Variants in SPTBN2 observed in about 807,000 individuals in gnomAD.
SPTBN2 encodes the protein spectrin beta chain, non-erythrocytic 2.
In SPTBN2, 107 loss-of-function variants were observed where a neutral mutation model predicts 284.2. That is an observed-to-expected ratio of 0.38 (90% confidence interval 0.32 to 0.44). The LOEUF (loss-of-function observed/expected upper bound fraction) is 0.44. Ranked by LOEUF, SPTBN2 falls within the 20% of genes least tolerant of loss-of-function variation. The pLI is 1.00. For synonymous variants in SPTBN2, 1,289 were observed against 1,354.8 expected, an observed-to-expected ratio of 0.95 and a Z score of 1.07; for missense variants, 2,569 against 3,287.1, an observed-to-expected ratio of 0.78 and a Z score of 5.34.
chr11:66,688,253 T>C lies in SPTBN2; in HGVS notation c.6290A>G (p.Gln2097Arg), dbSNP rs530064784. 5 of 1,613,194 alleles carry C rather than the reference T, an allele frequency of 3.1e-6. No individual in the cohort carries two copies. In the African/African-American group the frequency reaches 6.7e-5, roughly 21 times the overall value. ...RKREEEERRK[Q>R]PPAPEPTASV... The stretch of plus-strand genomic sequence containing the variant: ...GGCTGTGGGTTCGGGAGCAGGCGGC[T>C]GTTTCCGCCGCTCCTCCTCCTCCCT... The change falls in exon 32 of 38, where the codon CAG becomes CGG. Residue 2097 changes from glutamine (Q) to arginine (R), a missense_variant. Transcript: ENST00000533211.
chr11:66,688,600 C>T, intron 31 of SPTBN2, 53 bp downstream of exon 31: 1 of 1,607,882 alleles, frequency 6.2e-7, no homozygotes, highest in Non-Finnish European at 8.5e-7. Flanking sequence ...CAGAAGCCAG[C>T]ACAGGTCAGG....
chr11:66,743,560 T>C (rs1942918689), intron 1 of SPTBN2, among the ~76,000 whole-genome samples: 3 of 152,298 alleles, frequency 2.0e-5, no homozygotes, highest in Non-Finnish European at 2.9e-5. Context: ...CACCAGCAGT[T>C]ATAGGCTTAA....
In SPTBN2 at chr11:66,701,733, G is replaced by T; in HGVS notation, c.2679-12C>A. The T allele has an allele frequency of 6.2e-7, 1 of 1,614,060 alleles. No homozygotes were observed. Among genetic ancestry groups the T allele is most frequent in the Non-Finnish European group, 8.5e-7 (1 of 1,180,008 alleles). ...CCAGGGTCTCGAACCTGAGAGGGTGGAAGAGCCAGGCGTGAATTGTGGGAG... is the reference window on the plus strand; with the variant it reads ...CCAGGGTCTCGAACCTGAGAGGGTGTAAGAGCCAGGCGTGAATTGTGGGAG... On this transcript the variant is annotated splice_polypyrimidine_tract_variant and intron_variant, in intron 15 of 37. Transcript: ENST00000533211.
At position 66,728,873 on chromosome 11, in the gene SPTBN2, C is replaced by T. The variant is rs1242107458; in HGVS notation, c.-246G>A. On this transcript the variant is annotated 5_prime_UTR_variant, in exon 1 of 38. Transcript: ENST00000533211. ...CTTTCCTCTCCGGGCACCTCCAGTC[C>T]GTCTCCGCTAAGCATTCCTCTCACC... 6.6e-6 allele frequency: 1 copy of T among 152,216 alleles called. No homozygotes were observed. Among genetic ancestry groups the T allele is most frequent in the Non-Finnish European group, 1.5e-5 (1 of 68,076 alleles). 9.4% of individuals were successfully genotyped at this position (152,216 alleles called of 1,614,324 possible).
In SPTBN2 at chr11:66,684,570, G is replaced by A. The variant is rs559835509; in HGVS notation, c.*1301C>T. On this transcript the variant is annotated 3_prime_UTR_variant, in exon 38 of 38. Transcript: ENST00000533211. Reference sequence around the variant, plus strand: ...GGATTGCTTGAACCCAGGAGGTGGAGGTTGCAATGGGCTGTGATTGCGCCA... The same window carrying A: ...GGATTGCTTGAACCCAGGAGGTGGAAGTTGCAATGGGCTGTGATTGCGCCA... Among the ~76,000 whole-genome samples, 1 of 151,960 alleles carries A rather than the reference G, an allele frequency of 6.6e-6. No homozygotes were observed. The highest frequency in any genetic ancestry group is 2.1e-4 in the South Asian group (1 of 4,806).
rs902150032 is a variant in SPTBN2 at position 66,683,521 on chromosome 11, G to A, written c.*2350C>T. 6.6e-6 allele frequency among the ~76,000 whole-genome samples: 1 copy of A among 152,042 alleles called. No individual in the cohort carries two copies. Among genetic ancestry groups the A allele is most frequent in the South Asian group, 2.1e-4 (1 of 4,822 alleles). Reference sequence around the variant, plus strand: ...TTCTTTCTTCCACTCACAGCTGAAGGTGTTTTCTGACTTAATTCCTGACAC... The same window carrying A: ...TTCTTTCTTCCACTCACAGCTGAAGATGTTTTCTGACTTAATTCCTGACAC... On this transcript the variant is annotated 3_prime_UTR_variant, in exon 38 of 38. Coordinates refer to ENST00000533211, the MANE Select transcript of SPTBN2 (RefSeq NM_006946.4).
intron 27 of SPTBN2, 73 bp from the exon 28 acceptor site, chr11:66,690,356 GC>G: frequency 1.4e-6 from 2 of 1,476,134 alleles, no homozygotes; most frequent in Non-Finnish European, 1.8e-6. Context: ...AGTCCTGGCT[GC>G]CACTCTCACC....
At chr11:66,689,026 A>T in intron 30 of SPTBN2, 70 bp downstream of exon 30, 1 of 1,524,802 alleles carries the variant, frequency 6.6e-7, no homozygotes, top group Non-Finnish European at 9.0e-7. Flanking sequence ...AGTCTCACCT[A>T]CTCTGGAACC....
At chr11:66,692,940 C>A (rs867035434) in intron 25 of SPTBN2, 30 bp downstream of exon 25, 2 of 1,599,958 alleles carry the variant, frequency 1.3e-6, no homozygotes, top group South Asian at 1.1e-5. Context: ...GCTCCACCCC[C>A]AGGCTGGGCC....
chr11:66,731,371 G>A (rs1403943802), upstream of SPTBN2, among the ~76,000 whole-genome samples: 7 of 152,150 alleles, frequency 4.6e-5, no homozygotes, highest in Admixed American at 6.5e-5. Flanking sequence ...TTGCAAAAGC[G>A]AATGGAATGA....
chr11:66,705,278 T>C lies in SPTBN2; in HGVS notation c.1998A>G (p.Ser666=), dbSNP rs750192032. 8.8e-6 allele frequency: 14 copies of C among 1,597,904 alleles called. No individual in the cohort carries two copies. Among genetic ancestry groups the C allele is most frequent in the Non-Finnish European group, 9.3e-6 (11 of 1,176,948 alleles). Residue 666 remains serine, a synonymous_variant, in exon 15 of 38, where the codon TCA becomes TCG. Coordinates refer to ENST00000533211, the MANE Select transcript of SPTBN2 (RefSeq NM_006946.4). The part of the protein sequence containing the change: ...WVREQQHLLA[S]ADTGRDLTGA... ...CGGTCAGGTCTCGGCCCGTGTCGGC[T>C]GAGGCCAGGAGGTGCTGCTGCTCCC... is the stretch of plus-strand genomic sequence containing the variant.
rs1223230517 is a variant in SPTBN2 at position 66,705,630 on chromosome 11, T to C, written c.1807+54A>G. ...TTTCCCAACCCTTCCACCTCGGCTC[T>C]TGATGTGCTCCTTCCCAGCCCCTCC... On this transcript the variant is annotated intron_variant, in intron 14 of 37. Transcript: ENST00000533211. The C allele has an allele frequency of 6.8e-6, 11 of 1,606,130 alleles. No homozygotes were observed. The African/African-American group carries it at 9.3e-5, about 14-fold the overall frequency.
At chr11:66,725,820 CCT>C (rs1427310618) in intron 1 of SPTBN2, among the ~76,000 whole-genome samples, 1 of 152,156 alleles carries the variant, frequency 6.6e-6, no homozygotes, top group Non-Finnish European at 1.5e-5. Flanking sequence ...GGGCAGTTTT[CCT>C]CTCTTTCAGC....
Position 66,710,505 on chromosome 11 carries a change from C to G in SPTBN2, c.1073+77G>C. 6.7e-7 allele frequency: 1 copy of G among 1,496,854 alleles called. No individual in the cohort carries two copies. The highest frequency in any genetic ancestry group is 2.4e-5 in the East Asian group (1 of 41,650). The allele number at this position is 1,496,854 out of a possible 1,614,324, so 92.7% of individuals were successfully genotyped here. A position where few individuals can be genotyped will look rare whatever the true frequency, so the allele number is the denominator to read the frequency against. ...ATTTATGTACTGCCAAATTTCCCTCCCTGAAGGCTGTGCTAATTTAGGCTT... is the reference window on the plus strand; with the variant it reads ...ATTTATGTACTGCCAAATTTCCCTCGCTGAAGGCTGTGCTAATTTAGGCTT... On this transcript the variant is annotated intron_variant, in intron 10 of 37. Transcript: ENST00000533211. This position sits in a 1 kb window ranked among gnomAD's most constrained non-coding sequence, Gnocchi z 4.9.
Position 66,693,402 on chromosome 11 carries a change from G to T in SPTBN2, c.4638C>A (p.Asp1546Glu), listed in dbSNP as rs554183492. Residue 1546 changes from aspartate (D) to glutamate (E), a missense_variant, in exon 24 of 38, where the codon GAC becomes GAA. Around this residue, in one of 6 missense-constraint regions of SPTBN2, gnomAD observed 1,130 missense variants for 1,317.3 expected, o/e 0.86. Transcript: ENST00000533211. The surrounding 1 kb of genome is among the most constrained non-coding windows in gnomAD (Gnocchi z 5.7). Reference protein sequence around the residue: ...EIQGHEPRIADLRERQRALGA... With the variant: ...EIQGHEPRIAELRERQRALGA... ...CTAGAGCACGCTGCCGCTCCCTCAG[G>T]TCCGCGATCCGGGGCTCATGGCCCT... 1.2e-6 allele frequency: 2 copies of T among 1,600,852 alleles called. No homozygotes were observed. The highest frequency in any genetic ancestry group is 1.7e-5 in the Admixed American group (1 of 60,026).
intron 1 of SPTBN2, among the ~76,000 whole-genome samples, chr11:66,726,396 G>A (rs993373616): frequency 1.3e-5 from 2 of 152,176 alleles, no homozygotes; most frequent in African/African-American, 4.8e-5. Flanking sequence ...GTGGTACCTG[G>A]GAATGTGCAT....
chr11:66,689,462 C>T lies in SPTBN2; in HGVS notation c.5950-282G>A, dbSNP rs508996. 0.72 allele frequency: 375,218 copies of T among 518,474 alleles called. 137,867 individuals carry two copies. The highest frequency in any genetic ancestry group is 0.83 in the South Asian group (40,128 of 48,598). The allele number at this position is 518,474 out of a possible 1,614,324, so 32.1% of individuals were successfully genotyped here. ...CTAATTTTTGTGTTTTTAGTGGAAA[C>T]GGGGTTTCACCATGTTTCATCACAG... is the stretch of plus-strand genomic sequence containing the variant. On this transcript the variant is annotated intron_variant, in intron 29 of 37. Transcript: ENST00000533211.
chr11:66,721,866 T>C (rs893854902), intron 1 of SPTBN2, among the ~76,000 whole-genome samples: 1 of 151,770 alleles, frequency 6.6e-6, no homozygotes, highest in Non-Finnish European at 1.5e-5. Flanking sequence ...ACCAACATGG[T>C]GAAACCCTAT....
chr11:66,694,197 C>A lies in SPTBN2; in HGVS notation c.4445G>T (p.Arg1482Leu), dbSNP rs769576700. The A allele has an allele frequency of 8.1e-6, 13 of 1,613,290 alleles. No homozygotes were observed. The Admixed American group carries it at 2.2e-4, about 27-fold the overall frequency. ...CTGCTCGCGAGAAGCCTGCAGGCGC[C>A]GGCAGCGTTCCCGCATGGGCTGGCA... ...ALCQPMRERC[R>L]RLQASREQHQ... Residue 1482 changes from arginine (R) to leucine (L), a missense_variant, in exon 22 of 38, where the codon CGG becomes CTG. Around this residue, in one of 6 missense-constraint regions of SPTBN2, gnomAD observed 1,130 missense variants for 1,317.3 expected, o/e 0.86. Transcript: ENST00000533211.
Sources: allele counts gnomAD v4.1 joint callset (sites outside exome capture counted in the v4.1 genomes callset), GRCh38; gene constraint gnomAD v4.1.1; regional missense constraint gnomAD v4.1.1; non-coding constraint Gnocchi (gnomAD v3.1); transcripts MANE v1.5; gene names NCBI Gene and HGNC (gene_info 2026-07-23, HGNC 2026-07-21).